DOCK4: variants seen among roughly 807,000 people sequenced by gnomAD.
DOCK4 encodes dedicator of cytokinesis 4, also known as dedicator of cytokinesis protein 4.
In DOCK4, 97 loss-of-function variants were observed where a neutral mutation model predicts 268.1. The ratio of observed to expected loss-of-function variants is 0.36; its 90% confidence interval spans 0.31 to 0.43. DOCK4 has a LOEUF of 0.43. Among genes scored for constraint, DOCK4 ranks in the 20% least tolerant of loss-of-function variants. The pLI, the probability that DOCK4 is intolerant of heterozygous loss-of-function variation, is 1.00. For synonymous variants in DOCK4, 954 were observed against 887.2 expected (o/e 1.08, Z -1.34); for missense variants, 2,145 against 2,455.7 (o/e 0.87, Z 2.67).
intron 8 of DOCK4, among the ~76,000 whole-genome samples, chr7:111,959,870 G>A (rs1292249536): frequency 2.0e-5 from 3 of 152,024 alleles, no homozygotes. Context: ...ACCTGCTTCT[G>A]ATCCCTATTT....
At chr7:112,146,601 G>A (rs771637855) in intron 1 of DOCK4, among the ~76,000 whole-genome samples, 3 of 152,038 alleles carry the variant, frequency 2.0e-5, no homozygotes, top group South Asian at 2.1e-4. Flanking sequence ...GTGTGGTGGC[G>A]TGCACCTATA....
chr7:112,003,906 C>T (rs944662690), intron 2 of DOCK4, 142 bp downstream of exon 2: 2 of 533,152 alleles, frequency 3.8e-6, no homozygotes, highest in Admixed American at 3.7e-5. Context: ...TAGCCAAACA[C>T]TGAAAATGCA....
chr7:111,964,674 G>A (rs1470136300), intron 8 of DOCK4, among the ~76,000 whole-genome samples: 2 of 125,324 alleles, frequency 1.6e-5, no homozygotes, highest in Non-Finnish European at 3.2e-5. Context: ...AGCAAGGCAG[G>A]CCAACGTTCA....
intron 1 of DOCK4, among the ~76,000 whole-genome samples, chr7:112,174,575 A>T (rs943269680): frequency 6.6e-6 from 1 of 152,202 alleles, no homozygotes; most frequent in Non-Finnish European, 1.5e-5. Flanking sequence ...CCATATATGT[A>T]TATGAAAGAA....
At chr7:112,206,015 G>C in intron 1 of DOCK4, 87 bp downstream of exon 1, 1 of 1,445,800 alleles carries the variant, frequency 6.9e-7, no homozygotes, top group Admixed American at 2.0e-5. Context: ...TCAACCGGGC[G>C]GAGCGAGAGG....
Position 111,975,229 on chromosome 7 carries a change from T to G in DOCK4, c.701+1903A>C, listed in dbSNP as rs191802883. ...TTGCAGTGGGCCGAGAATGTGCCACTGAGTTCCAGCCTGGGTGACAGAGCA... is the reference window on the plus strand; with the variant it reads ...TTGCAGTGGGCCGAGAATGTGCCACGGAGTTCCAGCCTGGGTGACAGAGCA... On this transcript the variant is annotated intron_variant, in intron 8 of 52. Coordinates refer to ENST00000428084, the MANE Select transcript of DOCK4 (RefSeq NM_001363540.2). Among the ~76,000 whole-genome samples, 343 of 152,302 alleles carry G rather than the reference T, an allele frequency of 2.3e-3. 3 individuals are homozygous for G. The highest frequency in any genetic ancestry group is 1.4e-3 in the East Asian group (7 of 5,178).
chr7:112,036,616 A>G (rs1260469647), intron 1 of DOCK4, among the ~76,000 whole-genome samples: 1 of 150,920 alleles, frequency 6.6e-6, no homozygotes, highest in Non-Finnish European at 1.5e-5. Context: ...ACAAATATAT[A>G]TACAGACAAT....
chr7:112,110,703 C>A (rs369363421), intron 1 of DOCK4, among the ~76,000 whole-genome samples: 31 of 152,160 alleles, frequency 2.0e-4, no homozygotes, highest in African/African-American at 7.2e-4. Context: ...TGGATTGTAG[C>A]CTTTCAGATT....
intron 1 of DOCK4, among the ~76,000 whole-genome samples, chr7:112,168,091 T>C (rs978705090): frequency 8.0e-5 from 12 of 150,702 alleles, no homozygotes; most frequent in Admixed American, 5.9e-4. Context: ...GTATTTAAAA[T>C]AGTTTCCCAG....
intron 23 of DOCK4, among the ~76,000 whole-genome samples, chr7:111,860,399 C>A (rs1460939701): frequency 6.6e-6 from 1 of 152,244 alleles, no homozygotes; most frequent in Non-Finnish European, 1.5e-5. Context: ...CCATCTTATA[C>A]ATCACAGTCT....
intron 51 of DOCK4, among the ~76,000 whole-genome samples, chr7:111,733,396 CCT>C (rs1431656895): frequency 2.0e-5 from 3 of 152,170 alleles, no homozygotes; most frequent in Non-Finnish European, 4.4e-5. Context: ...TAGTGTGCAG[CCT>C]CTCTCTTGCA....
intron 1 of DOCK4, among the ~76,000 whole-genome samples, chr7:112,141,231 C>T (rs576782550): frequency 1.3e-5 from 2 of 152,174 alleles, no homozygotes; most frequent in South Asian, 2.1e-4. Context: ...CCGAATCCCA[C>T]AGCAATCCTC....
At chr7:112,102,502 A>T (rs780950546) in intron 1 of DOCK4, among the ~76,000 whole-genome samples, 1 of 152,208 alleles carries the variant, frequency 6.6e-6, no homozygotes, top group Non-Finnish European at 1.5e-5. Flanking sequence ...TAGTATTATG[A>T]GGTGGGGCCT....
intron 1 of DOCK4, among the ~76,000 whole-genome samples, chr7:112,064,115 G>A (rs1806704835): frequency 6.6e-6 from 1 of 152,208 alleles, no homozygotes; most frequent in African/African-American, 2.4e-5. Context: ...ACAGGTGCTG[G>A]CAGAGGTATG....
At chr7:111,737,772 G>A (rs1400684115) in intron 49 of DOCK4, among the ~76,000 whole-genome samples, 2 of 152,160 alleles carry the variant, frequency 1.3e-5, no homozygotes, top group African/African-American at 4.8e-5. Flanking sequence ...AATCAGAGAA[G>A]GCTTTCAGAG....
At chr7:111,989,944 C>T (rs1799387654) in intron 5 of DOCK4, among the ~76,000 whole-genome samples, 1 of 152,188 alleles carries the variant, frequency 6.6e-6, no homozygotes, top group African/African-American at 2.4e-5. Flanking sequence ...GTGCAGAGAG[C>T]ACTACAGCAC....
At chr7:111,741,259 T>C (rs758965921) in intron 46 of DOCK4, 45 bp from the exon 47 acceptor site, 1 of 1,608,956 alleles carries the variant, frequency 6.2e-7, no homozygotes, top group Non-Finnish European at 8.5e-7. Flanking sequence ...GTCTCCAAAT[T>C]GTACTTTATC....
At chr7:112,096,511 T>G (rs1339949334) in intron 1 of DOCK4, among the ~76,000 whole-genome samples, 1 of 152,146 alleles carries the variant, frequency 6.6e-6, no homozygotes, top group Non-Finnish European at 1.5e-5. Flanking sequence ...ACCCATTATG[T>G]AACATGTACT....
At chr7:111,757,943 C>A (rs1417289337) in intron 41 of DOCK4, among the ~76,000 whole-genome samples, 1 of 152,108 alleles carries the variant, frequency 6.6e-6, no homozygotes, top group Non-Finnish European at 1.5e-5. Context: ...CTCTACTGAA[C>A]AATCTTGCCT....
Sources: allele counts gnomAD v4.1 joint callset (sites outside exome capture counted in the v4.1 genomes callset), GRCh38; gene constraint gnomAD v4.1.1; transcripts MANE v1.5; gene names NCBI Gene and HGNC (gene_info 2026-07-23, HGNC 2026-07-21).